Variants in BANK1 observed in about 807,000 individuals in gnomAD.
BANK1 encodes the protein B cell scaffold protein with ankyrin repeats 1.
In BANK1, 95 loss-of-function variants were observed where a neutral mutation model predicts 94.5. That is an observed-to-expected ratio of 1.00 (90% CI 0.85 to 1.19). The LOEUF (loss-of-function observed/expected upper bound fraction) is 1.19, where lower values mean the gene tolerates loss of function less well. Ranked by LOEUF, BANK1 falls within the 50% of genes most tolerant of loss-of-function variation. The pLI is 0.00. For missense variants in BANK1, 987 were observed against 932.2 expected (o/e 1.06, Z -0.77); for synonymous variants, 334 against 308.4 (o/e 1.08, Z -0.87).
chr4:101,914,893 C>G lies in BANK1; in HGVS notation c.1010-3100C>G, dbSNP rs536745131. Among the ~76,000 whole-genome samples the G allele has an allele frequency of 1.6e-4, 24 of 152,218 alleles. No individual in the cohort carries two copies. The South Asian group carries it at 5.0e-3, about 32-fold the overall frequency. Reference sequence around the variant, plus strand: ...CCAAAATAAACCACAAAAACTGTGACAGTTGTGGCACCAAATGGACTGCAA... The same window carrying G: ...CCAAAATAAACCACAAAAACTGTGAGAGTTGTGGCACCAAATGGACTGCAA... On this transcript the variant is annotated intron_variant, in intron 6 of 16. Coordinates refer to ENST00000322953, the MANE Select transcript of BANK1 (RefSeq NM_017935.5).
chr4:101,813,789 G>A (rs2148855573), intron 1 of BANK1: 1 of 851,010 alleles, frequency 1.2e-6, no homozygotes, highest in African/African-American at 1.8e-5. Flanking sequence ...TCTGCGGGTG[G>A]TAGGAGACAC....
chr4:101,925,705 GA>G (rs1723132081), intron 7 of BANK1, among the ~76,000 whole-genome samples: 1 of 151,656 alleles, frequency 6.6e-6, no homozygotes, highest in South Asian at 2.1e-4. Flanking sequence ...CGTCTTTAAA[GA>G]CCCTTGGATA....
chr4:101,794,031 T>C (rs1404847352), intron 1 of BANK1, among the ~76,000 whole-genome samples: 1 of 152,090 alleles, frequency 6.6e-6, no homozygotes, highest in Non-Finnish European at 1.5e-5. Context: ...GATACTGCAA[T>C]ATCCTTGGGG....
chr4:101,910,680 C>G (rs1187509268), intron 6 of BANK1, among the ~76,000 whole-genome samples: 2 of 127,354 alleles, frequency 1.6e-5, no homozygotes, highest in African/African-American at 3.0e-5. Flanking sequence ...GGCGACAGAG[C>G]TAGACTCCGT....
chr4:101,949,018 A>C (rs1389210818), intron 7 of BANK1, among the ~76,000 whole-genome samples: 1 of 151,978 alleles, frequency 6.6e-6, no homozygotes, highest in African/African-American at 2.4e-5. Context: ...TAAATTTTGC[A>C]AGTGCCTCAT....
chr4:101,923,312 A>G (rs1044999071), intron 7 of BANK1, among the ~76,000 whole-genome samples: 1 of 151,784 alleles, frequency 6.6e-6, no homozygotes, highest in African/African-American at 2.4e-5. Context: ...ATATATGTAC[A>G]TGCTTTACAT....
At chr4:101,968,986 G>C (rs1282519057) in intron 7 of BANK1, among the ~76,000 whole-genome samples, 4 of 152,022 alleles carry the variant, frequency 2.6e-5, no homozygotes, top group Non-Finnish European at 5.9e-5. Context: ...GTTAGTTTCG[G>C]GTTTCAGAAA....
chr4:102,008,079 T>C (rs1726364007), intron 7 of BANK1, among the ~76,000 whole-genome samples: 1 of 152,152 alleles, frequency 6.6e-6, no homozygotes, highest in South Asian at 2.1e-4. Context: ...TTATGTCTCT[T>C]ATGTGTCATC....
At chr4:101,922,028 G>GTGTT (rs1400933476) in intron 7 of BANK1, among the ~76,000 whole-genome samples, 7 of 150,586 alleles carry the variant, frequency 4.6e-5, no homozygotes, top group Non-Finnish European at 1.5e-5. Context: ...GTGTGTGTGT[G>GTGTT]TGTGTGTGTG....
At chr4:101,825,521 A>G (rs1322381380) in intron 1 of BANK1, among the ~76,000 whole-genome samples, 1 of 152,134 alleles carries the variant, frequency 6.6e-6, no homozygotes, top group Non-Finnish European at 1.5e-5. Context: ...AAAGAAAGTC[A>G]GCATAAAGAT....
intron 1 of BANK1, chr4:101,813,839 G>T: frequency 2.0e-6 from 2 of 985,314 alleles, no homozygotes; most frequent in Non-Finnish European, 2.4e-6. Flanking sequence ...GCCAACAAGG[G>T]CTGCAGAGGA....
At chr4:102,072,159 A>G (rs765924421) in intron 14 of BANK1, among the ~76,000 whole-genome samples, 186 bp from the exon 15 acceptor site, 1 of 152,206 alleles carries the variant, frequency 6.6e-6, no homozygotes, top group Non-Finnish European at 1.5e-5. Flanking sequence ...GTCAATCCAC[A>G]TGGGCAGGAG....
intron 2 of BANK1, among the ~76,000 whole-genome samples, chr4:101,852,507 C>G (rs113569379): frequency 1.5e-4 from 10 of 65,220 alleles, no homozygotes; most frequent in Non-Finnish European, 3.2e-4. Flanking sequence ...TATATATACA[C>G]ACACACATAT....
At chr4:101,797,509 A>ATT (rs1282934656) in intron 1 of BANK1, among the ~76,000 whole-genome samples, 1 of 152,218 alleles carries the variant, frequency 6.6e-6, no homozygotes, top group Non-Finnish European at 1.5e-5. Context: ...TTAGTGAACA[A>ATT]TTAGGGGTTT....
At chr4:101,984,627 A>G (rs1354599584) in intron 7 of BANK1, among the ~76,000 whole-genome samples, 2 of 152,108 alleles carry the variant, frequency 1.3e-5, no homozygotes, top group Non-Finnish European at 2.9e-5. Context: ...AACCAACTTA[A>G]TTAAAGACAG....
intron 7 of BANK1, among the ~76,000 whole-genome samples, chr4:102,019,552 A>G (rs1014425767): frequency 2.0e-5 from 3 of 152,228 alleles, no homozygotes; most frequent in African/African-American, 7.2e-5. Context: ...CAGCTAATAT[A>G]TGATAGAGCT....
In BANK1 at chr4:101,833,659, T is replaced by G. The variant is rs532400948; in HGVS notation, c.469+3453T>G. On this transcript the variant is annotated intron_variant, in intron 2 of 16. Coordinates refer to ENST00000322953, the MANE Select transcript of BANK1 (RefSeq NM_017935.5). ...TTTCTCTGTTTCCTCCTGTACACCC[T>G]CATGCTGTATCATCACTGTTTTAGG... Among the ~76,000 whole-genome samples the G allele has an allele frequency of 2.6e-5, 4 of 152,320 alleles. No homozygotes were observed. The South Asian group carries it at 6.2e-4, about 24-fold the overall frequency.
chr4:101,927,180 G>A (rs1033480404), intron 7 of BANK1, among the ~76,000 whole-genome samples: 6 of 151,742 alleles, frequency 4.0e-5, no homozygotes, highest in African/African-American at 1.2e-4. Context: ...CATGGCGGAA[G>A]GGGAAGCAGT....
intron 8 of BANK1, among the ~76,000 whole-genome samples, chr4:102,022,839 A>C (rs2850390): frequency 0.68 from 103,534 of 152,006 alleles, 36,254 homozygotes; most frequent in African/African-American, 0.85. Context: ...TCTCACCATT[A>C]TCTTACTCAT....
Sources: allele counts gnomAD v4.1 joint callset (sites outside exome capture counted in the v4.1 genomes callset), GRCh38; gene constraint gnomAD v4.1.1; transcripts MANE v1.5; gene names NCBI Gene and HGNC (gene_info 2026-07-23, HGNC 2026-07-21).